The following ATP8A2 variants were observed in gnomAD, a reference collection of about 807,000 sequenced individuals.
The protein encoded by ATP8A2 is ATPase phospholipid transporting 8A2, also known as phospholipid-transporting ATPase IB.
In ATP8A2, 100 loss-of-function variants were observed where a neutral mutation model predicts 165.6. That is an observed-to-expected ratio of 0.60 (90% CI 0.51 to 0.71). The LOEUF is 0.71. ATP8A2 is among the 30% of genes least tolerant of loss of function. The pLI is 0.00. For missense variants in ATP8A2, 1,227 were observed against 1,479.5 expected (o/e 0.83, Z 2.80); for synonymous variants, 543 against 548.8 (o/e 0.99, Z 0.15).
In ATP8A2 at chr13:25,443,363, C is replaced by T. The variant is rs17082319; in HGVS notation, c.77-25614C>T. On this transcript the variant is annotated intron_variant, in intron 1 of 36. Coordinates refer to ENST00000381655, the MANE Select transcript of ATP8A2 (RefSeq NM_016529.6). ...AGATATGGTGAAGGGTAAACGTGAG[C>T]TTTGTTGGATTTTTCCTCCCTTGAG... Among the ~76,000 whole-genome samples, 4 of 152,140 alleles carry T rather than the reference C, an allele frequency of 2.6e-5. No homozygotes were observed. The Middle Eastern group carries it at 0.01, about 388-fold the overall frequency.
In ATP8A2 at chr13:25,889,256, A is replaced by ATATATATATATATATATG. The variant is rs1261139934; in HGVS notation, c.3183+26865_3183+26866insGTATATATATATATATAT. 6.9e-5 allele frequency among the ~76,000 whole-genome samples: 10 copies of ATATATATATATATATATG among 145,046 alleles called. 1 individual carries two copies. Among genetic ancestry groups the ATATATATATATATATATG allele is most frequent in the African/African-American group, 2.5e-4 (10 of 39,558 alleles). ...TGCTCATCCTTTGTCATATATATAT[A>ATATATATATATATATATG]TATATATATATATATATAAAATTTA... On this transcript the variant is annotated intron_variant, in intron 33 of 36. Coordinates refer to ENST00000381655, the MANE Select transcript of ATP8A2 (RefSeq NM_016529.6).
At chr13:25,825,723 G>A (rs769197766) in intron 27 of ATP8A2, among the ~76,000 whole-genome samples, 33 of 152,136 alleles carry the variant, frequency 2.2e-4, no homozygotes, top group Non-Finnish European at 4.1e-4. Context: ...ACCTCCAGTG[G>A]TAGGGAGAGA....
chr13:25,495,289 A>G (rs1439167632), intron 2 of ATP8A2, among the ~76,000 whole-genome samples: 1 of 152,148 alleles, frequency 6.6e-6, no homozygotes, highest in Non-Finnish European at 1.5e-5. Context: ...AGGGGTTTGA[A>G]TGAGTCCAAG....
chr13:25,960,275 C>A (rs1955629600), intron 33 of ATP8A2, among the ~76,000 whole-genome samples: 1 of 152,144 alleles, frequency 6.6e-6, no homozygotes. Context: ...AGGATGGAAA[C>A]CGAAGAGTGG....
chr13:26,012,695 G>A (rs1593714784), intron 36 of ATP8A2, 73 bp downstream of exon 36: 7 of 692,800 alleles, frequency 1.0e-5, no homozygotes, highest in South Asian at 2.5e-5. Context: ...GGAGTTGGGG[G>A]AGCGGGCGCT....
chr13:25,521,646 A>C (rs1473472319), intron 2 of ATP8A2, among the ~76,000 whole-genome samples: 1 of 152,006 alleles, frequency 6.6e-6, no homozygotes, highest in African/African-American at 2.4e-5. Context: ...TCCCCACTGT[A>C]TGTTCTTAGC....
In ATP8A2 at chr13:25,892,209, C is replaced by A. The variant is rs150764548; in HGVS notation, c.3183+29801C>A. On this transcript the variant is annotated intron_variant, in intron 33 of 36. Transcript: ENST00000381655. The stretch of plus-strand genomic sequence containing the variant: ...AGCCAGGATGGTCTTGATCTCCTGA[C>A]CTCATGATCCACCCGCCTCAGCCTC... 9.4e-3 allele frequency among the ~76,000 whole-genome samples: 1,427 copies of A among 152,060 alleles called. 20 individuals carry two copies. Among genetic ancestry groups the A allele is most frequent in the African/African-American group, 0.033 (1,380 of 41,468 alleles).
At chr13:25,923,381 G>C (rs1207269709) in intron 33 of ATP8A2, among the ~76,000 whole-genome samples, 3 of 152,238 alleles carry the variant, frequency 2.0e-5, no homozygotes, top group African/African-American at 7.2e-5. Context: ...GTAAGCTGCA[G>C]TCCACAGCTG....
intron 1 of ATP8A2, among the ~76,000 whole-genome samples, chr13:25,459,804 G>A (rs544088546): frequency 2.6e-5 from 4 of 152,280 alleles, no homozygotes; most frequent in African/African-American, 9.6e-5. Context: ...GGGTTCAGGA[G>A]CAGCAGGAGA....
intron 28 of ATP8A2, among the ~76,000 whole-genome samples, chr13:25,831,441 C>T (rs141607970): frequency 6.6e-6 from 1 of 152,234 alleles, no homozygotes; most frequent in African/African-American, 2.4e-5. Flanking sequence ...TCTCAATCTC[C>T]TGAACTCGTG....
At chr13:25,780,158 C>T (rs1180899166) in intron 27 of ATP8A2, among the ~76,000 whole-genome samples, 6 of 151,990 alleles carry the variant, frequency 3.9e-5, no homozygotes, top group Admixed American at 3.3e-4. Flanking sequence ...ACCTATATTT[C>T]GAAAAATTAT....
At chr13:25,459,358 T>C (rs1211654536) in intron 1 of ATP8A2, among the ~76,000 whole-genome samples, 1 of 152,256 alleles carries the variant, frequency 6.6e-6, no homozygotes, top group Non-Finnish European at 1.5e-5. Context: ...ATTGCATTTT[T>C]CTCTGTCCAC....
At chr13:25,837,960 C>T (rs890287503) in intron 29 of ATP8A2, among the ~76,000 whole-genome samples, 1 of 152,218 alleles carries the variant, frequency 6.6e-6, no homozygotes, top group African/African-American at 2.4e-5. Context: ...TCATTTGCGG[C>T]TGAATGTGGC....
In ATP8A2 at chr13:25,681,445, A is replaced by G. The variant is rs560385957; in HGVS notation, c.2212-17728A>G. Among the ~76,000 whole-genome samples, 43 of 152,298 alleles carry G rather than the reference A, an allele frequency of 2.8e-4. No homozygotes were observed. In the South Asian group the frequency reaches 6.0e-3, roughly 21 times the overall value. On this transcript the variant is annotated intron_variant, in intron 24 of 36. Transcript: ENST00000381655. ...CCACACTCTTCAGGAGTTGGCAGGTATATAATTCTGGATGATAGCATGTGC... is the reference window on the plus strand; with the variant it reads ...CCACACTCTTCAGGAGTTGGCAGGTGTATAATTCTGGATGATAGCATGTGC...
intron 25 of ATP8A2, among the ~76,000 whole-genome samples, chr13:25,708,137 C>T (rs1488056757): frequency 6.6e-6 from 1 of 152,086 alleles, no homozygotes; most frequent in East Asian, 1.9e-4. Context: ...GATACGAGGT[C>T]ACACTGTGGC....
At chr13:25,839,431 C>A (rs1348138711) in intron 29 of ATP8A2, 115 bp from the exon 30 acceptor site, 2 of 688,790 alleles carry the variant, frequency 2.9e-6, no homozygotes, top group African/African-American at 3.6e-5. Context: ...ATATGCTACT[C>A]CTGGAACCGT....
At chr13:25,837,033 G>A (rs1460253920) in intron 28 of ATP8A2, 130 bp from the exon 29 acceptor site, 1 of 1,133,460 alleles carries the variant, frequency 8.8e-7, no homozygotes, top group Non-Finnish European at 1.2e-6. Flanking sequence ...GAGGGTGTCT[G>A]GGGATCTGTG....
intron 2 of ATP8A2, among the ~76,000 whole-genome samples, chr13:25,472,710 G>T: frequency 6.6e-6 from 1 of 152,162 alleles, no homozygotes; most frequent in East Asian, 1.9e-4. Flanking sequence ...CCTAAATTGA[G>T]CTTTTTGAAA....
chr13:25,452,029 AT>A (rs556018994), intron 1 of ATP8A2, among the ~76,000 whole-genome samples: 2 of 151,430 alleles, frequency 1.3e-5, no homozygotes, highest in Non-Finnish European at 2.9e-5. Flanking sequence ...TATTTTTTGT[AT>A]TTTTAGTAGA....
Sources: allele counts gnomAD v4.1 joint callset (sites outside exome capture counted in the v4.1 genomes callset), GRCh38; gene constraint gnomAD v4.1.1; transcripts MANE v1.5; gene names NCBI Gene and HGNC (gene_info 2026-07-23, HGNC 2026-07-21).